Variants in DAPK2 observed in about 807,000 individuals in gnomAD.
DAPK2 encodes death-associated protein kinase 2.
DAPK2 carries 35 observed loss-of-function variants against 44.1 expected under a neutral mutation model. The observed-to-expected ratio is 0.79, with a 90% CI of 0.61 to 1.05. The LOEUF (loss-of-function observed/expected upper bound fraction) is 1.05, where lower values mean the gene tolerates loss of function less well. DAPK2 is among the 50% of genes least tolerant of loss of function. The pLI is 0.00. For missense variants in DAPK2, 453 were observed against 483.2 expected, an observed-to-expected ratio of 0.94 and a Z score of 0.59; for synonymous variants, 174 against 182.6, an observed-to-expected ratio of 0.95 and a Z score of 0.38.
chr15:63,960,539 T>G (rs948762839), intron 3 of DAPK2, among the ~76,000 whole-genome samples: 15 of 152,376 alleles, frequency 9.8e-5, no homozygotes, highest in African/African-American at 3.6e-4. Flanking sequence ...CCAGAGATTC[T>G]GGTATGTTGT....
intron 4 of DAPK2, among the ~76,000 whole-genome samples, chr15:63,935,115 C>T (rs1162009072): frequency 7.0e-6 from 1 of 142,080 alleles, no homozygotes; most frequent in African/African-American, 2.6e-5. Flanking sequence ...TCCTGATACA[C>T]GGTCTCACTC....
chr15:63,954,446 T>C (rs117456930), intron 3 of DAPK2, among the ~76,000 whole-genome samples: 1,560 of 152,300 alleles, frequency 0.01, 6 homozygotes, highest in Middle Eastern at 0.02. Context: ...TTGTCGAAAA[T>C]GAGTTCACTG....
At chr15:63,937,543 C>T (rs552300454) in intron 4 of DAPK2, among the ~76,000 whole-genome samples, 2 of 152,230 alleles carry the variant, frequency 1.3e-5, no homozygotes, top group South Asian at 4.1e-4. Flanking sequence ...TATCAGTGAA[C>T]CTGGGAGGTG....
chr15:63,951,486 A>C (rs1190717800), intron 3 of DAPK2, among the ~76,000 whole-genome samples: 1 of 152,148 alleles, frequency 6.6e-6, no homozygotes, highest in African/African-American at 2.4e-5. Context: ...CCACATCAGC[A>C]GGCTTTCTGT....
chr15:64,026,847 C>T lies in DAPK2; in HGVS notation c.92+13323G>A, dbSNP rs866733075. 2.2e-4 allele frequency among the ~76,000 whole-genome samples: 34 copies of T among 152,300 alleles called. 1 individual carries two copies. The highest frequency in any genetic ancestry group is 7.9e-4 in the African/African-American group (33 of 41,558). The stretch of plus-strand genomic sequence containing the variant: ...GCATTTAGTCCCAACTGGCCTGGGT[C>T]GGGTAGAGTCTCTGAGCCTCCTTTT... On this transcript the variant is annotated intron_variant, in intron 1 of 10. Coordinates refer to ENST00000261891, the Ensembl canonical transcript of DAPK2.
rs201957230 is a variant in DAPK2 at position 64,014,748 on chromosome 15, C to T, written c.92+25422G>A. Among the ~76,000 whole-genome samples the T allele has an allele frequency of 2.0e-4, 30 of 152,208 alleles. 1 individual carries two copies. The East Asian group carries it at 3.7e-3, about 19-fold the overall frequency. Reference sequence around the variant, plus strand: ...CAGCCTGGTCAACATAGTGAAACCCCGTCTCTACTAAAAATACAAAAATTA... The same window carrying T: ...CAGCCTGGTCAACATAGTGAAACCCTGTCTCTACTAAAAATACAAAAATTA... On this transcript the variant is annotated intron_variant, in intron 1 of 10. Coordinates refer to ENST00000261891, the Ensembl canonical transcript of DAPK2.
chr15:63,915,738 A>C (rs896740540), intron 8 of DAPK2, among the ~76,000 whole-genome samples: 14 of 152,128 alleles, frequency 9.2e-5, no homozygotes, highest in South Asian at 2.1e-4. Context: ...GCTACACACA[A>C]CACCACCAAC....
Position 63,908,731 on chromosome 15 carries a change from G to T in DAPK2, c.1033-131C>A. The T allele has an allele frequency of 1.5e-6, 1 of 666,422 alleles. No homozygotes were observed. The highest frequency in any genetic ancestry group is 2.4e-6 in the Non-Finnish European group (1 of 418,652). 41.3% of individuals were successfully genotyped at this position (666,422 alleles called of 1,614,324 possible). A position where few individuals can be genotyped will look rare whatever the true frequency, so the allele number is the denominator to read the frequency against. The stretch of plus-strand genomic sequence containing the variant: ...CAAGCCAGGGAGGTGGGTGGTGAAA[G>T]CAAGCCTGCTGATCCATCCAGGGGC... On this transcript the variant is annotated intron_variant, in intron 10 of 10. Coordinates refer to ENST00000261891, the Ensembl canonical transcript of DAPK2. This position sits in a 1 kb window ranked among gnomAD's most constrained non-coding sequence, Gnocchi z 5.7.
intron 1 of DAPK2, among the ~76,000 whole-genome samples, chr15:64,022,935 T>A (rs2079734281): frequency 1.3e-5 from 2 of 152,178 alleles, no homozygotes; most frequent in East Asian, 3.9e-4. Flanking sequence ...GATAGCATGA[T>A]GAGAAATGAC....
intron 8 of DAPK2, among the ~76,000 whole-genome samples, chr15:63,914,690 C>T (rs367625652): frequency 6.6e-6 from 1 of 152,196 alleles, no homozygotes; most frequent in South Asian, 2.1e-4. Flanking sequence ...TCTCTGCTTC[C>T]TGTCCATTTG....
intron 3 of DAPK2, among the ~76,000 whole-genome samples, chr15:63,958,799 C>G (rs921149786): frequency 6.6e-6 from 1 of 152,172 alleles, no homozygotes; most frequent in Non-Finnish European, 1.5e-5. Context: ...ATGCCTCCAG[C>G]TTTGTTCTTT....
intron 3 of DAPK2, among the ~76,000 whole-genome samples, chr15:63,958,376 T>A (rs181102524): frequency 1.3e-5 from 2 of 152,352 alleles, no homozygotes; most frequent in African/African-American, 4.8e-5. Flanking sequence ...CATTTGTCAA[T>A]TTTGGCTTTT....
intron 3 of DAPK2, among the ~76,000 whole-genome samples, chr15:63,956,131 A>G (rs910302085): frequency 1.3e-5 from 2 of 152,170 alleles, no homozygotes; most frequent in Admixed American, 1.3e-4. Context: ...TTTCCGCAGT[A>G]TCAGTTGTAA....
intron 1 of DAPK2, among the ~76,000 whole-genome samples, chr15:64,010,745 C>A (rs2141018904): frequency 6.6e-6 from 1 of 152,346 alleles, no homozygotes; most frequent in South Asian, 2.1e-4. Flanking sequence ...TTATCCCATT[C>A]ATGAAGACAA....
At chr15:64,021,411 C>T (rs2079679018) in intron 1 of DAPK2, among the ~76,000 whole-genome samples, 2 of 152,204 alleles carry the variant, frequency 1.3e-5, no homozygotes, top group Non-Finnish European at 2.9e-5. Context: ...TGAACAGGGC[C>T]TTGATGAAAT....
At chr15:63,914,999 C>G (rs1324200044) in intron 8 of DAPK2, among the ~76,000 whole-genome samples, 1 of 152,122 alleles carries the variant, frequency 6.6e-6, no homozygotes, top group East Asian at 1.9e-4. Context: ...GCCGCAGATA[C>G]CAAAATCCAT....
At chr15:63,947,654 G>A (rs1005631047) in intron 3 of DAPK2, among the ~76,000 whole-genome samples, 2 of 152,140 alleles carry the variant, frequency 1.3e-5, no homozygotes, top group African/African-American at 4.8e-5. Flanking sequence ...ATCTCAAGAG[G>A]GTTACTAGGA....
At chr15:63,922,551 A>C in intron 8 of DAPK2, 1 of 1,385,052 alleles carries the variant, frequency 7.2e-7, no homozygotes, top group Non-Finnish European at 9.3e-7. Context: ...CAGATTGGTG[A>C]GGGGAGGTGC....
In DAPK2 at chr15:63,939,187, T is replaced by G. The variant is rs1288953082; in HGVS notation, c.583+45A>C. The G allele has an allele frequency of 1.2e-6, 2 of 1,608,952 alleles. No individual in the cohort carries two copies. Among genetic ancestry groups the G allele is most frequent in the Admixed American group, 3.4e-5 (2 of 59,308 alleles). On this transcript the variant is annotated intron_variant, in intron 4 of 10. Coordinates refer to ENST00000261891, the Ensembl canonical transcript of DAPK2. This position sits in a 1 kb window ranked among gnomAD's most constrained non-coding sequence, Gnocchi z 4.3. ...GGTTTCTTCCCAGGATCCCTACCTT[T>G]GATGCCAGATTCTTAGCTGAAAGAC...
Sources: allele counts gnomAD v4.1 joint callset (sites outside exome capture counted in the v4.1 genomes callset), GRCh38; gene constraint gnomAD v4.1.1; non-coding constraint Gnocchi (gnomAD v3.1); transcripts MANE v1.5; gene names NCBI Gene and HGNC (gene_info 2026-07-23, HGNC 2026-07-21).